The following RBM20 variants were observed in gnomAD, a reference collection of about 807,000 sequenced individuals.
RBM20 encodes RNA-binding protein 20.
In RBM20, 51 loss-of-function variants were observed where a neutral mutation model predicts 110.1. That is an observed-to-expected ratio of 0.46 (90% CI 0.37 to 0.59). RBM20 has a LOEUF of 0.59. RBM20 is among the 20% of genes least tolerant of loss of function. The pLI is 0.00. For synonymous variants in RBM20, 589 were observed against 618.2 expected (o/e 0.95, Z 0.70); for missense variants, 1,512 against 1,574.9 (o/e 0.96, Z 0.68).
At position 110,684,394 on chromosome 10, in the gene RBM20, A is replaced by AAAAACAAAACAAAAC. The variant is rs369390447; in HGVS notation, c.191+39769_191+39783dup. ...GGGTGACAGAGTGAGACTCCATCTT[A>AAAAACAAAACAAAAC]AAAACAAAACAAAACAAAACAAAAC... On this transcript the variant is annotated intron_variant, in intron 1 of 13. Transcript: ENST00000369519. Among the ~76,000 whole-genome samples, 938 of 150,872 alleles carry AAAAACAAAACAAAAC rather than the reference A, an allele frequency of 6.2e-3. 21 individuals are homozygous for AAAAACAAAACAAAAC. The East Asian group carries it at 0.09, about 15-fold the overall frequency.
chr10:110,697,901 CT>C (rs374446957), intron 1 of RBM20, among the ~76,000 whole-genome samples: 25,563 of 127,458 alleles, frequency 0.2, 2,466 homozygotes, highest in East Asian at 0.32. Context: ...GGCCTTGTTT[CT>C]TTTTTTTTTT....
At chr10:110,700,698 G>A (rs1445883556) in intron 1 of RBM20, among the ~76,000 whole-genome samples, 3 of 152,170 alleles carry the variant, frequency 2.0e-5, no homozygotes, top group Non-Finnish European at 4.4e-5. Context: ...AACCAAAGCA[G>A]GAAATGGGAT....
chr10:110,705,655 G>A (rs1862826002), intron 1 of RBM20, among the ~76,000 whole-genome samples: 1 of 152,236 alleles, frequency 6.6e-6, no homozygotes, highest in Non-Finnish European at 1.5e-5. Context: ...GAAAGCGTAA[G>A]TAATACACAT....
At chr10:110,797,705 G>C in intron 6 of RBM20, 57 bp downstream of exon 6, 1 of 1,481,020 alleles carries the variant, frequency 6.8e-7, no homozygotes, top group East Asian at 2.5e-5. Flanking sequence ...ATTAGTGAAA[G>C]GGAACGATAT....
intron 4 of RBM20, 86 bp from the exon 5 acceptor site, chr10:110,784,706 A>G (rs1437883029): frequency 6.8e-6 from 6 of 880,790 alleles, no homozygotes; most frequent in Non-Finnish European, 1.1e-5. Flanking sequence ...GGAAAGGTTC[A>G]GTTTTCTATG....
intron 5 of RBM20, among the ~76,000 whole-genome samples, chr10:110,796,504 A>G (rs61213395): frequency 2.6e-5 from 4 of 152,364 alleles, no homozygotes; most frequent in African/African-American, 7.2e-5. Flanking sequence ...AGTATTTCAT[A>G]TCACCAAGGT....
At chr10:110,795,188 G>A (rs1282000965) in intron 5 of RBM20, among the ~76,000 whole-genome samples, 1 of 152,224 alleles carries the variant, frequency 6.6e-6, no homozygotes, top group Admixed American at 6.5e-5. Flanking sequence ...TGAAAGCTCA[G>A]CTGTGTCTGC....
rs918055932 is a variant in RBM20, at chr10:110,836,581, C to G, written c.*603C>G. On this transcript the variant is annotated 3_prime_UTR_variant, in exon 14 of 14. Coordinates refer to ENST00000369519, the MANE Select transcript of RBM20 (RefSeq NM_001134363.3). ...GGTCTTCATTAACCTCTTCCTCCAA[C>G]TGGGCCACCCTTTTGAAAAGCCCCT... is the stretch of plus-strand genomic sequence containing the variant. 1.3e-5 allele frequency: 2 copies of G among 152,210 alleles called. No individual in the cohort carries two copies. Among genetic ancestry groups the G allele is most frequent in the Non-Finnish European group, 2.9e-5 (2 of 68,038 alleles). 9.4% of individuals were successfully genotyped at this position (152,210 alleles called of 1,614,324 possible).
chr10:110,792,407 G>C (rs954165316), intron 5 of RBM20, among the ~76,000 whole-genome samples: 1 of 152,010 alleles, frequency 6.6e-6, no homozygotes, highest in Non-Finnish European at 1.5e-5. Context: ...TTATTTACAG[G>C]AGCCTGCATA....
chr10:110,656,803 T>A (rs559579347), intron 1 of RBM20, among the ~76,000 whole-genome samples: 4 of 152,352 alleles, frequency 2.6e-5, no homozygotes, highest in South Asian at 2.1e-4. Flanking sequence ...TGTCAGCACT[T>A]CATGCCTTTT....
rs899919008 is a variant in RBM20, at chr10:110,830,002, C to T, written c.3452-1059C>T. 7.2e-5 allele frequency among the ~76,000 whole-genome samples: 11 copies of T among 152,340 alleles called. No homozygotes were observed. The East Asian group carries it at 1.9e-3, about 27-fold the overall frequency. On this transcript the variant is annotated intron_variant, in intron 12 of 13. Transcript: ENST00000369519. ...TGGGTCCTGCTTCTCACAGCCCTCA[C>T]ACCCTGCCCTTTGGCTGGCGCTGCA...
intron 1 of RBM20, among the ~76,000 whole-genome samples, chr10:110,735,665 G>T (rs1351996482): frequency 6.6e-6 from 1 of 152,180 alleles, no homozygotes. Flanking sequence ...TGGGTGAAAG[G>T]TATATTTGCT....
At chr10:110,801,700 C>CTTT (rs61281177) in intron 7 of RBM20, among the ~76,000 whole-genome samples, 20,171 of 116,400 alleles carry the variant, frequency 0.17, 2,942 homozygotes, top group African/African-American at 0.38. Context: ...TGCCTGGCTA[C>CTTT]TTTTTTTTTT....
intron 1 of RBM20, among the ~76,000 whole-genome samples, chr10:110,742,279 A>C (rs1321553622): frequency 6.6e-6 from 1 of 152,182 alleles, no homozygotes; most frequent in Middle Eastern, 3.2e-3. Context: ...GGGGCTGGGG[A>C]CAAGGAAGAC....
At chr10:110,710,283 A>G (rs923673168) in intron 1 of RBM20, among the ~76,000 whole-genome samples, 1 of 152,242 alleles carries the variant, frequency 6.6e-6, no homozygotes, top group Non-Finnish European at 1.5e-5. Flanking sequence ...ATATTCCGCA[A>G]TAATCTGGAA....
At chr10:110,800,632 G>T (rs73358981) in intron 7 of RBM20, among the ~76,000 whole-genome samples, 2,261 of 152,278 alleles carry the variant, frequency 0.015, 26 homozygotes, top group African/African-American at 0.026. Flanking sequence ...AGAAGCTCCC[G>T]TGAGTCCCTC....
chr10:110,816,987 G>A (rs540897336), intron 9 of RBM20, among the ~76,000 whole-genome samples: 3 of 152,328 alleles, frequency 2.0e-5, no homozygotes, highest in East Asian at 3.9e-4. Flanking sequence ...GGGTGGCCAC[G>A]TCCATACCTG....
At chr10:110,822,578 C>G in intron 11 of RBM20, 1 of 434,522 alleles carries the variant, frequency 2.3e-6, no homozygotes, top group Non-Finnish European at 4.6e-6. Context: ...AACTTAAGAT[C>G]CATCAGGGGG....
chr10:110,821,995 A>G (rs747411071), intron 11 of RBM20, 60 bp downstream of exon 11: 68 of 1,464,652 alleles, frequency 4.6e-5, no homozygotes, highest in Admixed American at 3.7e-4. Flanking sequence ...CTCACCTGAT[A>G]AAGTATGAGC....
Sources: gnomAD v4.1 joint callset for allele counts (sites outside exome capture counted in the v4.1 genomes callset) on GRCh38, gnomAD v4.1.1 for gene constraint, MANE v1.5 for transcripts, NCBI Gene and HGNC (gene_info 2026-07-23, HGNC 2026-07-21) for gene names.